TRIP12: variants seen among roughly 807,000 people sequenced by gnomAD.
The protein encoded by TRIP12 is E3 ubiquitin-protein ligase TRIP12.
Under a neutral mutation model 244.2 loss-of-function variants are expected in TRIP12, and 25 were observed. The observed-to-expected ratio is 0.10, with a 90% confidence interval of 0.07 to 0.14. The LOEUF (loss-of-function observed/expected upper bound fraction) is 0.14. Among genes scored for constraint, TRIP12 ranks in the 10% least tolerant of loss-of-function variants. TRIP12 has a pLI of 1.00. For synonymous variants in TRIP12, 905 were observed against 873.1 expected (o/e 1.04, Z -0.64); for missense variants, 1,677 against 2,486.4 (o/e 0.67, Z 6.92).
Position 229,859,144 on chromosome 2 carries a change from T to G in TRIP12, c.655A>C (p.Lys219Gln). 1 of 1,614,148 alleles carries G rather than the reference T, an allele frequency of 6.2e-7. No homozygotes were observed. The highest frequency in any genetic ancestry group is 8.5e-7 in the Non-Finnish European group (1 of 1,180,024). The change falls in exon 4 of 42, where the codon AAG becomes CAG. Residue 219 changes from lysine (K) to glutamine (Q), a missense_variant. Physicochemically the swap from Lys to Gln is moderately conservative, Grantham distance 53. Transcript: ENST00000675903. ...GAEERSAKPTKLASKSATSAK... is the reference protein window; with the variant it reads ...GAEERSAKPTQLASKSATSAK... ...GAGGTGGCTGATTTTGAAGCCAGCTTGGTAGGTTTCGCAGATCTCTCTTCT... is the reference window on the plus strand; with the variant it reads ...GAGGTGGCTGATTTTGAAGCCAGCTGGGTAGGTTTCGCAGATCTCTCTTCT...
At chr2:229,802,213 C>A (rs755590341) in intron 21 of TRIP12, 39 bp downstream of exon 21, 1 of 1,533,642 alleles carries the variant, frequency 6.5e-7, no homozygotes, top group Non-Finnish European at 8.9e-7. Context: ...GCAGCGCTAA[C>A]AGCAAAGAAA....
intron 38 of TRIP12, among the ~76,000 whole-genome samples, chr2:229,772,332 A>G (rs2034653531): frequency 6.6e-6 from 1 of 152,234 alleles, no homozygotes; most frequent in African/African-American, 2.4e-5. Context: ...ATGTTAACTC[A>G]TTATTTGCTA....
In TRIP12 at chr2:229,807,881, CAAT is replaced by C; in HGVS notation, c.2340-20_2340-18del. On this transcript the variant is annotated intron_variant, in intron 16 of 41. Transcript: ENST00000675903. ...ATAAGTTCACTGAAAACAAAAAGTA[CAAT>C]AATTTTAGTAACTTTATGAAATATT... 6.2e-7 allele frequency: 1 copy of C among 1,604,038 alleles called. No individual in the cohort carries two copies. The highest frequency in any genetic ancestry group is 2.2e-5 in the East Asian group (1 of 44,604).
Position 229,836,832 on chromosome 2 carries a change from A to T in TRIP12, c.1270+16T>A, listed in dbSNP as rs752466956. ...AAGACAGAAACGCATTTTAAAGCTA[A>T]GAAGTACCAATCTACCTGCAGCTCC... On this transcript the variant is annotated intron_variant, in intron 6 of 41. Transcript: ENST00000675903. 17 of 1,583,054 alleles carry T rather than the reference A, an allele frequency of 1.1e-5. No homozygotes were observed. The African/African-American group carries it at 2.2e-4, about 21-fold the overall frequency.
At chr2:229,864,047 AGTGTGT>A (rs371818159) in intron 2 of TRIP12, among the ~76,000 whole-genome samples, 856 of 79,220 alleles carry the variant, frequency 0.011, 7 homozygotes, top group Non-Finnish European at 0.016. Context: ...AGAGAGAGAG[AGTGTGT>A]GTGTGTGTGT....
upstream of TRIP12, among the ~76,000 whole-genome samples, chr2:229,922,980 GT>G (rs1319877218): frequency 6.6e-6 from 1 of 152,212 alleles, no homozygotes; most frequent in Non-Finnish European, 1.5e-5. Flanking sequence ...ACTCAGCCAA[GT>G]GTCCCAAGGA....
At chr2:229,812,120 G>C (rs899018742) in intron 13 of TRIP12, among the ~76,000 whole-genome samples, 1 of 151,804 alleles carries the variant, frequency 6.6e-6, no homozygotes, top group Non-Finnish European at 1.5e-5. Flanking sequence ...ACAGAGTTTC[G>C]CTCTTGTTAC....
Position 229,859,177 on chromosome 2 carries a change from T to C in TRIP12, c.622A>G (p.Thr208Ala). ...CVKSGSGSES[T>A]GAEERSAKPT... ...TTCGCAGATCTCTCTTCTGCACCAG[T>C]TGATTCAGACCCGGAGCCACTCTTT... Residue 208 changes from threonine to alanine, a missense_variant, in exon 4 of 42, where the codon ACT (threonine) becomes GCT (alanine). This residue lies in a region of TRIP12 where 387 missense variants were observed against 392.6 expected (regional missense o/e 0.99). Coordinates refer to ENST00000675903, the MANE Select transcript of TRIP12 (RefSeq NM_001348323.3). 1.2e-6 allele frequency: 2 copies of C among 1,614,184 alleles called. No homozygotes were observed. The highest frequency in any genetic ancestry group is 2.2e-5 in the East Asian group (1 of 44,890).
At chr2:229,859,703 A>C (rs941473132) in intron 3 of TRIP12, 129 bp from the exon 4 acceptor site, 8 of 1,068,986 alleles carry the variant, frequency 7.5e-6, no homozygotes, top group African/African-American at 1.6e-5. Context: ...GGTTTTCAGA[A>C]GGTTCAAATC....
At chr2:229,914,691 G>A (rs1178083927) in intron 1 of TRIP12, among the ~76,000 whole-genome samples, 1 of 152,176 alleles carries the variant, frequency 6.6e-6, no homozygotes, top group Non-Finnish European at 1.5e-5. Flanking sequence ...CACGGCTAGA[G>A]TGAGTAGGAG....
chr2:229,888,863 G>C (rs2066636361), intron 1 of TRIP12, among the ~76,000 whole-genome samples: 1 of 152,040 alleles, frequency 6.6e-6, no homozygotes, highest in Non-Finnish European at 1.5e-5. Context: ...GAAGGAGAGG[G>C]TATAAGGTAA....
Position 229,778,880 on chromosome 2 carries a change from T to C in TRIP12, c.5205A>G (p.Pro1735=), listed in dbSNP as rs1425450282. The C allele has an allele frequency of 6.2e-7, 1 of 1,613,762 alleles. No homozygotes were observed. The highest frequency in any genetic ancestry group is 1.7e-5 in the Admixed American group (1 of 60,018). ...TAACTTACAGATAGGCATTACCTTTTGGATTGCTAAGAGTTACTTCTTCAC... is the reference window on the plus strand; with the variant it reads ...TAACTTACAGATAGGCATTACCTTTCGGATTGCTAAGAGTTACTTCTTCAC... The part of the protein sequence containing the change: ...WRGEEVTLSN[P]KGSQEGTKYI... The change falls in exon 35 of 42, where the codon CCA becomes CCG. Residue 1735 remains proline, a synonymous_variant. Transcript: ENST00000675903. This position sits in a 1 kb window ranked among gnomAD's most constrained non-coding sequence, Gnocchi z 4.1.
rs1465029081 is a variant in TRIP12, at chr2:229,764,035, T to C, written c.*3519A>G. On this transcript the variant is annotated 3_prime_UTR_variant, in exon 42 of 42. Coordinates refer to ENST00000675903, the MANE Select transcript of TRIP12 (RefSeq NM_001348323.3). ...AGGTTTGGAAATATGAGTCGGCTTG[T>C]AGTAAAAATAAAACCACCTCTTCCA... The C allele has an allele frequency of 6.6e-6, 1 of 152,222 alleles. No homozygotes were observed. The highest frequency in any genetic ancestry group is 1.9e-4 in the East Asian group (1 of 5,202). The allele number at this position is 152,222 out of a possible 1,614,324, so 9.4% of individuals were successfully genotyped here. A position where few individuals can be genotyped will look rare whatever the true frequency, so the allele number is the denominator to read the frequency against.
intron 1 of TRIP12, among the ~76,000 whole-genome samples, chr2:229,903,695 A>G (rs1368083111): frequency 6.6e-6 from 1 of 152,072 alleles, no homozygotes; most frequent in Non-Finnish European, 1.5e-5. Flanking sequence ...GTAATACAAA[A>G]GATAAGGGAG....
At chr2:229,920,355 G>T (rs2154384443) in intron 1 of TRIP12, among the ~76,000 whole-genome samples, 1 of 152,254 alleles carries the variant, frequency 6.6e-6, no homozygotes, top group East Asian at 1.9e-4. Context: ...CCGGAGATCG[G>T]GTGATCTGGC....
intron 1 of TRIP12, among the ~76,000 whole-genome samples, chr2:229,902,283 T>C (rs1174326814): frequency 6.6e-6 from 1 of 151,898 alleles, no homozygotes; most frequent in Admixed American, 6.6e-5. Context: ...CTCGGGAGGC[T>C]GAGGCAGAAT....
At chr2:229,876,827 C>T (rs2063679743) in intron 2 of TRIP12, among the ~76,000 whole-genome samples, 1 of 152,056 alleles carries the variant, frequency 6.6e-6, no homozygotes, top group Admixed American at 6.6e-5. Flanking sequence ...CTGTGCGCAG[C>T]TAATTTATTT....
In TRIP12 at chr2:229,806,613, CTTAGAG is replaced by C. The variant is rs1231955370; in HGVS notation, c.2497-736_2497-731del. Among the ~76,000 whole-genome samples, 5 of 152,252 alleles carry C rather than the reference CTTAGAG, an allele frequency of 3.3e-5. 1 individual carries two copies. The highest frequency in any genetic ancestry group is 4.1e-4 in the South Asian group (2 of 4,826). ...CAGGAAAATGCTAAAAAGAAGACGA[CTTAGAG>C]TTAGAGACCAGGACCACTATTAGCA... On this transcript the variant is annotated intron_variant, in intron 17 of 41. Coordinates refer to ENST00000675903, the MANE Select transcript of TRIP12 (RefSeq NM_001348323.3).
chr2:229,819,070 ACACACACACACACAC>A (rs937751796), intron 8 of TRIP12, among the ~76,000 whole-genome samples: 25 of 147,698 alleles, frequency 1.7e-4, no homozygotes, highest in Non-Finnish European at 2.9e-4. Flanking sequence ...ACACACACAC[ACACACACACACACAC>A]AATTATAAAC....
Sources: gnomAD v4.1 joint callset for allele counts (sites outside exome capture counted in the v4.1 genomes callset) on GRCh38, gnomAD v4.1.1 for gene constraint, gnomAD v4.1.1 regional missense constraint, Gnocchi (gnomAD v3.1) non-coding constraint, MANE v1.5 for transcripts, NCBI Gene and HGNC (gene_info 2026-07-23, HGNC 2026-07-21) for gene names.